MRPL55: variants seen among roughly 807,000 people sequenced by gnomAD.
MRPL55 encodes the protein large ribosomal subunit protein mL55.
Under a neutral mutation model 10.6 loss-of-function variants are expected in MRPL55, and 7 were observed. That is an observed-to-expected ratio of 0.66 (90% CI 0.38 to 1.24). MRPL55 has a LOEUF of 1.24. MRPL55 is among the 50% of genes most tolerant of loss of function. MRPL55 has a pLI of 0.02. For synonymous variants in MRPL55, 57 were observed against 71.8 expected (o/e 0.79, Z 1.04); for missense variants, 148 against 180.3 (o/e 0.82, Z 1.03).
At position 228,108,220 on chromosome 1, in the gene MRPL55, A is replaced by G. The variant is rs2033407170; in HGVS notation, c.26+15T>C. 6.2e-7 allele frequency: 1 copy of G among 1,607,916 alleles called. No homozygotes were observed. The highest frequency in any genetic ancestry group is 8.5e-7 in the Non-Finnish European group (1 of 1,177,074). The stretch of plus-strand genomic sequence containing the variant: ...CCTGACAGTAATCCCCAGGGACCTA[A>G]AAGTCCATGCTTACCCAAGCAGGCT... On this transcript the variant is annotated intron_variant, in intron 3 of 4. Coordinates refer to ENST00000336520, the MANE Select transcript of MRPL55 (RefSeq NM_181463.3).
intron 2 of MRPL55, chr1:228,108,752 CTG>C (rs1405218438): frequency 1.8e-5 from 3 of 167,180 alleles, no homozygotes; most frequent in African/African-American, 7.2e-5. Context: ...CCATGGGAGT[CTG>C]TGCTGAGGTG....
rs767859474 is a variant in MRPL55, at chr1:228,108,255, C to T, written c.6G>A (p.Ala2=). The T allele has an allele frequency of 9.3e-6, 15 of 1,611,170 alleles. No homozygotes were observed. The highest frequency in any genetic ancestry group is 1.6e-4 in the Middle Eastern group (1 of 6,072). The change falls in exon 3 of 5, where the codon GCG becomes GCA. Residue 2 remains alanine (A), a synonymous_variant. Coordinates refer to ENST00000336520, the MANE Select transcript of MRPL55 (RefSeq NM_181463.3). Reference sequence around the variant, plus strand: ...CTTACCCAAGCAGGCTGCCCACGGCCGCCATTCCTCCTTACAGCCCCAGTG... The same window carrying T: ...CTTACCCAAGCAGGCTGCCCACGGCTGCCATTCCTCCTTACAGCCCCAGTG... M[A]AVGSLLGRLR...
chr1:228,107,622 T>C (rs747591546), intron 4 of MRPL55, 46 bp downstream of exon 4: 1 of 1,589,908 alleles, frequency 6.3e-7, no homozygotes, highest in Non-Finnish European at 8.6e-7. Flanking sequence ...CACCACAGCC[T>C]CGACCCCAGC....
At chr1:228,107,339 G>A (rs963638703) in intron 4 of MRPL55, among the ~76,000 whole-genome samples, 9 of 152,216 alleles carry the variant, frequency 5.9e-5, no homozygotes, top group African/African-American at 1.4e-4. Flanking sequence ...TGGGAGGACC[G>A]CATGAGCCCA....
intron 3 of MRPL55, 109 bp downstream of exon 3, chr1:228,108,126 C>CA: frequency 2.0e-6 from 3 of 1,534,282 alleles, no homozygotes; most frequent in Non-Finnish European, 2.6e-6. Context: ...GGACAGTGGA[C>CA]AATAGCAAGG....
At chr1:228,108,594 T>C (rs913583359) in intron 2 of MRPL55, 5 of 358,906 alleles carry the variant, frequency 1.4e-5, no homozygotes, top group Admixed American at 8.6e-5. Flanking sequence ...CCTCTCTGAA[T>C]GGACTGCAGC....
At chr1:228,108,366 C>T in intron 2 of MRPL55, 48 bp from the exon 3 acceptor site, 1 of 1,240,006 alleles carries the variant, frequency 8.1e-7, no homozygotes, top group South Asian at 1.4e-5. Context: ...AAGGTTCTTC[C>T]ACCTAATGGT....
intron 3 of MRPL55, 182 bp downstream of exon 3, chr1:228,108,053 T>G (rs1440927835): frequency 1.9e-6 from 3 of 1,542,800 alleles, no homozygotes; most frequent in Non-Finnish European, 2.6e-6. Flanking sequence ...TCAGAGGCGT[T>G]CTGGCCCCCT....
rs764126000 is a variant in MRPL55, at chr1:228,107,681, CGT to C, written c.213_214del (p.Arg72AlafsTer15). On this transcript the variant is annotated frameshift_variant, in exon 4 of 5. Coordinates refer to ENST00000336520, the MANE Select transcript of MRPL55 (RefSeq NM_181463.3). LOFTEE classifies it low-confidence loss of function (END_TRUNC). ...AGGGAAGCTTACCGCCAGCATGCGC[CGT>C]GGCTCCCTGTAGCGGATGTGGATGG... 78 of 1,612,864 alleles carry C rather than the reference CGT, an allele frequency of 4.8e-5. No homozygotes were observed. Among genetic ancestry groups the C allele is most frequent in the Non-Finnish European group, 6.2e-5 (73 of 1,180,016 alleles).
In MRPL55 at chr1:228,106,947, T is replaced by G. The variant is rs764114918; in HGVS notation, c.229-29A>C. The G allele has an allele frequency of 2.1e-5, 33 of 1,598,040 alleles. No homozygotes were observed. In the South Asian group the frequency reaches 3.1e-4, roughly 15 times the overall value. The stretch of plus-strand genomic sequence containing the variant: ...CAGGGGACAGACCAAGTTTCGTCCA[T>G]GTGGATCGAGGGACCTTGAGAGCTA... On this transcript the variant is annotated intron_variant, in intron 4 of 4. Coordinates refer to ENST00000336520, the MANE Select transcript of MRPL55 (RefSeq NM_181463.3).
intron 4 of MRPL55, among the ~76,000 whole-genome samples, chr1:228,107,379 G>A (rs982159060): frequency 3.3e-5 from 5 of 152,222 alleles, no homozygotes; most frequent in Non-Finnish European, 5.9e-5. Flanking sequence ...AACCGAGATC[G>A]TGCCTCTGCA....
Position 228,107,681 on chromosome 1 carries a change from C to T in MRPL55, c.215G>A (p.Arg72Gln), listed in dbSNP as rs753594406. The T allele has an allele frequency of 2.2e-5, 35 of 1,612,864 alleles. No individual in the cohort carries two copies. The South Asian group carries it at 3.4e-4, about 16-fold the overall frequency. Residue 72 changes from arginine (R) to glutamine (Q), a missense_variant, in exon 4 of 5, where the codon CGG (arginine) becomes CAG (glutamine). Transcript: ENST00000336520. ...STIHIRYREPRRMLAMPIDLD... is the reference protein window; with the variant it reads ...STIHIRYREPQRMLAMPIDLD... ...AGGGAAGCTTACCGCCAGCATGCGC[C>T]GTGGCTCCCTGTAGCGGATGTGGAT...
chr1:228,107,008 C>T (rs552362189), intron 4 of MRPL55, 90 bp from the exon 5 acceptor site: 29 of 963,576 alleles, frequency 3.0e-5, no homozygotes, highest in East Asian at 2.5e-4. Context: ...TCTCAACTTA[C>T]GTCTTCCATC....
At chr1:228,108,416 T>C in intron 2 of MRPL55, 98 bp from the exon 3 acceptor site, 1 of 767,708 alleles carries the variant, frequency 1.3e-6, no homozygotes, top group Non-Finnish European at 2.1e-6. Flanking sequence ...CCAAGACACA[T>C]GTAATCACCA....
rs987074124 is a variant in MRPL55 at position 228,109,253 on chromosome 1, G to C, written c.-230C>G. 2 of 152,498 alleles carry C rather than the reference G, an allele frequency of 1.3e-5. No homozygotes were observed. The highest frequency in any genetic ancestry group is 4.8e-5 in the African/African-American group (2 of 41,470). The allele number at this position is 152,498 out of a possible 1,614,324, so 9.4% of individuals were successfully genotyped here. A position where few individuals can be genotyped will look rare whatever the true frequency, so the allele number is the denominator to read the frequency against. ...GGACGAGGCCACGCAGGAGATCAAG[G>C]TACTCACTGCGTTGGGTGCTGCTGC... On this transcript the variant is annotated 5_prime_UTR_variant, in exon 1 of 5. Coordinates refer to ENST00000336520, the MANE Select transcript of MRPL55 (RefSeq NM_181463.3).
Position 228,107,704 on chromosome 1 carries a change from G to C in MRPL55, c.192C>G (p.Ile64Met). 3 of 1,613,218 alleles carry C rather than the reference G, an allele frequency of 1.9e-6. No homozygotes were observed. The highest frequency in any genetic ancestry group is 2.5e-6 in the Non-Finnish European group (3 of 1,180,030). ...GCCGTGGCTCCCTGTAGCGGATGTG[G>C]ATGGTGGAGCCATCCTGCTTCACCA... is the stretch of plus-strand genomic sequence containing the variant. ...VLLVKQDGST[I>M]HIRYREPRRM... is the part of the protein sequence containing the mutation. Residue 64 changes from isoleucine (I) to methionine (M), a missense_variant, in exon 4 of 5, where the codon ATC becomes ATG. Transcript: ENST00000336520.
Position 228,106,690 on chromosome 1 carries a change from G to C in MRPL55, c.*70C>G. ...AGACAGACACAGACTCCAGGTGGCA[G>C]CTTCAAGAACGAGTGATTTAAGAAC... On this transcript the variant is annotated 3_prime_UTR_variant, in exon 5 of 5. Transcript: ENST00000336520. 2 of 1,512,084 alleles carry C rather than the reference G, an allele frequency of 1.3e-6. No homozygotes were observed. The highest frequency in any genetic ancestry group is 1.3e-5 in the South Asian group (1 of 79,848). 93.7% of individuals were successfully genotyped at this position (1,512,084 alleles called of 1,614,324 possible). A position where few individuals can be genotyped will look rare whatever the true frequency, so the allele number is the denominator to read the frequency against.
At chr1:228,107,247 C>T (rs1571856808) in intron 4 of MRPL55, among the ~76,000 whole-genome samples, 1 of 152,062 alleles carries the variant, frequency 6.6e-6, no homozygotes, top group South Asian at 2.1e-4. Flanking sequence ...AGAGAGACCC[C>T]ATCTCTACAA....
intron 4 of MRPL55, 110 bp downstream of exon 4, chr1:228,107,558 G>T: frequency 1.0e-6 from 1 of 994,988 alleles, no homozygotes. Flanking sequence ...CTGTCATGTG[G>T]TACAGTGACC....
Sources: allele counts gnomAD v4.1 joint callset (sites outside exome capture counted in the v4.1 genomes callset), GRCh38; gene constraint gnomAD v4.1.1; transcripts MANE v1.5; gene names NCBI Gene and HGNC (gene_info 2026-07-23, HGNC 2026-07-21).